The following SLC37A1 variants were observed in gnomAD, a reference collection of about 807,000 sequenced individuals.
The protein encoded by SLC37A1 is solute carrier family 37 member 1, also known as glucose-6-phosphate exchanger SLC37A1.
Under a neutral mutation model 75.3 loss-of-function variants are expected in SLC37A1, and 49 were observed. The observed-to-expected ratio is 0.65, with a 90% CI of 0.52 to 0.83. The LOEUF is 0.83. Among genes scored for constraint, SLC37A1 ranks in the 40% least tolerant of loss-of-function variants. The pLI, the probability that SLC37A1 is intolerant of heterozygous loss-of-function variation, is 0.00. For missense variants in SLC37A1, 566 were observed against 695.0 expected (o/e 0.81, Z 2.09); for synonymous variants, 268 against 292.1 (o/e 0.92, Z 0.84).
intron 2 of SLC37A1, 149 bp downstream of exon 2, chr21:42,518,659 G>A (rs1442479498): frequency 2.3e-6 from 2 of 885,514 alleles, no homozygotes; most frequent in South Asian, 3.1e-5. Context: ...CTTTTTGGTG[G>A]TGGAAGCCGT....
intron 2 of SLC37A1, among the ~76,000 whole-genome samples, chr21:42,525,125 G>A (rs146022755): frequency 3.2e-4 from 48 of 152,352 alleles, no homozygotes; most frequent in African/African-American, 1.1e-3. Context: ...CCTGGCGAGG[G>A]CACAGCAGCT....
At chr21:42,530,169 G>T (rs1475934974) in intron 3 of SLC37A1, among the ~76,000 whole-genome samples, 1 of 152,216 alleles carries the variant, frequency 6.6e-6, no homozygotes, top group Non-Finnish European at 1.5e-5. Flanking sequence ...CAAACCAGTT[G>T]ACTCAGAAAC....
chr21:42,547,224 C>G lies in SLC37A1; in HGVS notation c.768+84C>G. The G allele has an allele frequency of 7.0e-7, 1 of 1,433,112 alleles. No homozygotes were observed. Among genetic ancestry groups the G allele is most frequent in the South Asian group, 1.1e-5 (1 of 87,092 alleles). The allele number at this position is 1,433,112 out of a possible 1,614,324, so 88.8% of individuals were successfully genotyped here. Reference sequence around the variant, plus strand: ...CAGCCTGCTCCTGCCTGTGCGGTGTCAGACAGAAACACACAGGGTAGACAG... The same window carrying G: ...CAGCCTGCTCCTGCCTGTGCGGTGTGAGACAGAAACACACAGGGTAGACAG... On this transcript the variant is annotated intron_variant, in intron 9 of 19. Coordinates refer to ENST00000352133, the MANE Select transcript of SLC37A1 (RefSeq NM_001320537.2). The surrounding 1 kb of genome is among the most constrained non-coding windows in gnomAD (Gnocchi z 6.1).
Position 42,548,347 on chromosome 21 carries a change from G to A in SLC37A1, c.768+1207G>A, listed in dbSNP as rs1365392990. Among the ~76,000 whole-genome samples the A allele has an allele frequency of 1.3e-5, 2 of 151,992 alleles. No homozygotes were observed. The highest frequency in any genetic ancestry group is 2.9e-5 in the Non-Finnish European group (2 of 67,994). ...TCCTTCAGACTTAACACGACTGGAG[G>A]AGATCTCTTGATTTTACCCCTGCAC... On this transcript the variant is annotated intron_variant, in intron 9 of 19. Transcript: ENST00000352133. The surrounding 1 kb of genome is among the most constrained non-coding windows in gnomAD (Gnocchi z 5.6).
chr21:42,564,449 AG>A (rs1175771922), intron 13 of SLC37A1, among the ~76,000 whole-genome samples: 1 of 152,146 alleles, frequency 6.6e-6, no homozygotes, highest in South Asian at 2.1e-4. Context: ...TGGCCACCTT[AG>A]TACCTTGATA....
At position 42,564,831 on chromosome 21, in the gene SLC37A1, A is replaced by G. The variant is rs201493837; in HGVS notation, c.1221+38A>G. On this transcript the variant is annotated intron_variant, in intron 14 of 19. Coordinates refer to ENST00000352133, the MANE Select transcript of SLC37A1 (RefSeq NM_001320537.2). Reference sequence around the variant, plus strand: ...GCCTTCCCTGGGCCCCAAAGCCTGCAGACAGTCCCCCACTGTCCTCCTCGC... The same window carrying G: ...GCCTTCCCTGGGCCCCAAAGCCTGCGGACAGTCCCCCACTGTCCTCCTCGC... The G allele has an allele frequency of 7.4e-4, 1,177 of 1,580,610 alleles. 2 individuals carry two copies. Among genetic ancestry groups the G allele is most frequent in the Middle Eastern group, 4.1e-3 (24 of 5,918 alleles).
chr21:42,502,548 ATG>A (rs972100048), intron 2 of SLC37A1: 61 of 152,370 alleles, frequency 4.0e-4, no homozygotes, highest in African/African-American at 1.2e-3. Context: ...TTCTTCACCT[ATG>A]ATAACCCTTG....
intron 5 of SLC37A1, among the ~76,000 whole-genome samples, chr21:42,538,576 A>G (rs1399469480): frequency 6.6e-6 from 1 of 152,216 alleles, no homozygotes; most frequent in African/African-American, 2.4e-5. Context: ...AGAGTCTCTA[A>G]TGCTTGTGAA....
At chr21:42,515,744 G>GT (rs2054511054) in intron 1 of SLC37A1, among the ~76,000 whole-genome samples, 1 of 152,102 alleles carries the variant, frequency 6.6e-6, no homozygotes, top group African/African-American at 2.4e-5. Context: ...CTAATGGGCT[G>GT]TTTCCTAAGT....
intron 10 of SLC37A1, among the ~76,000 whole-genome samples, chr21:42,555,858 A>G (rs949934782): frequency 6.6e-6 from 1 of 152,202 alleles, no homozygotes; most frequent in African/African-American, 2.4e-5. Flanking sequence ...GACGACCACA[A>G]CCGGGCGCAT....
Position 42,581,241 on chromosome 21 carries a change from T to TA in SLC37A1, c.*883dup, listed in dbSNP as rs1261814695. ...CACACACCACACCTGGGACTGTTTT[T>TA]AATACATAGCAACAGACTGGGTTAT... On this transcript the variant is annotated 3_prime_UTR_variant, in exon 20 of 20. Transcript: ENST00000352133. The TA allele has an allele frequency of 3.3e-5, 5 of 152,786 alleles. No homozygotes were observed. The East Asian group carries it at 9.6e-4, about 29-fold the overall frequency. 9.5% of individuals were successfully genotyped at this position (152,786 alleles called of 1,614,324 possible).
Position 42,581,261 on chromosome 21 carries a change from G to C in SLC37A1, c.*901G>C, listed in dbSNP as rs972981076. On this transcript the variant is annotated 3_prime_UTR_variant, in exon 20 of 20. Transcript: ENST00000352133. ...GTTTTTAATACATAGCAACAGACTG[G>C]GTTATTTATTTAAGATGTGTATTGT... is the stretch of plus-strand genomic sequence containing the variant. 9.8e-5 allele frequency: 15 copies of C among 152,432 alleles called. No homozygotes were observed. Among genetic ancestry groups the C allele is most frequent in the African/African-American group, 3.6e-4 (15 of 41,258 alleles). 9.4% of individuals were successfully genotyped at this position (152,432 alleles called of 1,614,324 possible).
chr21:42,579,363 C>CT (rs1485936845), intron 18 of SLC37A1, among the ~76,000 whole-genome samples: 2 of 152,352 alleles, frequency 1.3e-5, no homozygotes, highest in East Asian at 3.9e-4. Context: ...TTATGGTCCT[C>CT]TTGTCTTTAT....
Position 42,580,591 on chromosome 21 carries a change from C to T in SLC37A1, c.*231C>T. 1 of 572,966 alleles carries T rather than the reference C, an allele frequency of 1.7e-6. No individual in the cohort carries two copies. The highest frequency in any genetic ancestry group is 3.0e-6 in the Non-Finnish European group (1 of 328,810). The allele number at this position is 572,966 out of a possible 1,614,324, so 35.5% of individuals were successfully genotyped here. ...TGCAGGAACTGCTGCCTGAGCCAAGCCAGAGAACCGAAGACCCGGCCGGCC... is the reference window on the plus strand; with the variant it reads ...TGCAGGAACTGCTGCCTGAGCCAAGTCAGAGAACCGAAGACCCGGCCGGCC... On this transcript the variant is annotated 3_prime_UTR_variant, in exon 20 of 20. Coordinates refer to ENST00000352133, the MANE Select transcript of SLC37A1 (RefSeq NM_001320537.2).
intron 9 of SLC37A1, among the ~76,000 whole-genome samples, chr21:42,551,818 GT>G (rs1431076417): frequency 5.6e-4 from 74 of 133,054 alleles, no homozygotes; most frequent in African/African-American, 1.9e-3. Context: ...GTTTTGTTTT[GT>G]TTTGTTTTGT....
intron 3 of SLC37A1, among the ~76,000 whole-genome samples, chr21:42,532,842 G>T (rs2055024898): frequency 6.6e-6 from 1 of 152,218 alleles, no homozygotes; most frequent in African/African-American, 2.4e-5. Context: ...CAAGGGAGCT[G>T]CTGGGCAGAT....
At chr21:42,571,763 C>T (rs1053896128) in intron 17 of SLC37A1, among the ~76,000 whole-genome samples, 10 of 151,662 alleles carry the variant, frequency 6.6e-5, no homozygotes, top group Non-Finnish European at 1.5e-4. Context: ...TAATTATGCA[C>T]CCTCAATAGA....
rs2055572390 is a variant in SLC37A1 at position 42,552,051 on chromosome 21, A to G, written c.769-2011A>G. 6.6e-6 allele frequency among the ~76,000 whole-genome samples: 1 copy of G among 152,164 alleles called. No homozygotes were observed. The highest frequency in any genetic ancestry group is 2.4e-5 in the African/African-American group (1 of 41,434). On this transcript the variant is annotated intron_variant, in intron 9 of 19. Coordinates refer to ENST00000352133, the MANE Select transcript of SLC37A1 (RefSeq NM_001320537.2). This position sits in a 1 kb window ranked among gnomAD's most constrained non-coding sequence, Gnocchi z 4.2. ...TAGTTTTTGTTTCAAATGAATCACA[A>G]TTAATATGAAAGAGAGTATTCAATT... is the stretch of plus-strand genomic sequence containing the variant.
intron 9 of SLC37A1, among the ~76,000 whole-genome samples, chr21:42,553,771 T>C (rs2055613985): frequency 6.6e-6 from 1 of 152,032 alleles, no homozygotes; most frequent in African/African-American, 2.4e-5. Context: ...TTCAAAACCA[T>C]TGAAACAATC....
Sources: allele counts gnomAD v4.1 joint callset (sites outside exome capture counted in the v4.1 genomes callset), GRCh38; gene constraint gnomAD v4.1.1; non-coding constraint Gnocchi (gnomAD v3.1); transcripts MANE v1.5; gene names NCBI Gene and HGNC (gene_info 2026-07-23, HGNC 2026-07-21).